The following SPON2 variants were observed in gnomAD, a reference collection of about 807,000 sequenced individuals.
SPON2 encodes spondin-2.
A neutral mutation model predicts 29.9 loss-of-function variants in SPON2; 32 were observed. The ratio of observed to expected loss-of-function variants is 1.07; its 90% CI spans 0.81 to 1.44. The LOEUF is 1.44. SPON2 is among the 40% of genes most tolerant of loss of function. SPON2 has a pLI of 0.00. For missense variants in SPON2, 541 were observed against 455.5 expected (o/e 1.19, Z -1.71); for synonymous variants, 248 against 209.1 (o/e 1.19, Z -1.61).
intron 1 of SPON2, among the ~76,000 whole-genome samples, chr4:1,184,462 G>GA (rs1011270863): frequency 6.6e-6 from 1 of 151,880 alleles, no homozygotes; most frequent in South Asian, 2.1e-4. Context: ...GAGAGCAGCA[G>GA]AAAAAACCAC....
chr4:1,173,420 C>T (rs1351578327), upstream of SPON2, among the ~76,000 whole-genome samples: 1 of 152,176 alleles, frequency 6.6e-6, no homozygotes, highest in East Asian at 1.9e-4. Flanking sequence ...GGACCCCGCA[C>T]AGGGCTGGGG....
intron 2 of SPON2, 78 bp from the exon 3 acceptor site, chr4:1,171,564 A>G: frequency 7.0e-7 from 1 of 1,420,518 alleles, no homozygotes; most frequent in Non-Finnish European, 9.7e-7. Flanking sequence ...GCGCCCCAGG[A>G]AATCCCTCCC....
Position 1,171,453 on chromosome 4 carries a change from C to T in SPON2, c.254G>A (p.Arg85Lys), listed in dbSNP as rs761027198. The T allele has an allele frequency of 1.2e-4, 200 of 1,612,046 alleles. No individual in the cohort carries two copies. The highest frequency in any genetic ancestry group is 3.8e-4 in the Admixed American group (23 of 60,004). The change falls in exon 3 of 6, where the codon AGG becomes AAG. Residue 85 changes from arginine (R) to lysine (K), a missense_variant. Transcript: ENST00000290902. ...CCCGTTACTGACGTACTGGTTCTTC[C>T]TCCACATGCTGTAGTCGGAGCTATG... ...AAHSSDYSMW[R>K]KNQYVSNGLR...
At position 1,195,119 on chromosome 4, in the gene SPON2, G is replaced by GCAGCCGGCGGCTCCAACCCCA. The variant is rs1560210876; in HGVS notation, c.-369_-368insTGGGGTTGGAGCCGCCGGCTG. 1.7e-4 allele frequency: 23 copies of GCAGCCGGCGGCTCCAACCCCA among 138,438 alleles called. 1 individual carries two copies. The highest frequency in any genetic ancestry group is 6.5e-4 in the African/African-American group (22 of 33,652). 8.6% of individuals were successfully genotyped at this position (138,438 alleles called of 1,614,324 possible). A position where few individuals can be genotyped will look rare whatever the true frequency, so the allele number is the denominator to read the frequency against. ...CCCCGCAGCCGGCGGCTCCAACCCC[G>GCAGCCGGCGGCTCCAACCCCA]CAGCCGGCGGCTCAGGGCTCAGGAC... On this transcript the variant is annotated 5_prime_UTR_variant, in exon 1 of 4. Transcript: ENST00000502483.
At chr4:1,177,628 C>G (rs759255672), upstream of SPON2, among the ~76,000 whole-genome samples, 9 of 152,170 alleles carry the variant, frequency 5.9e-5, no homozygotes, top group Admixed American at 1.3e-4. Context: ...ACCCAAGATC[C>G]CTTCAGGGGG....
At chr4:1,172,199 G>T in intron 1 of SPON2, 125 bp from the exon 2 acceptor site, 1 of 762,634 alleles carries the variant, frequency 1.3e-6, no homozygotes, top group Non-Finnish European at 2.1e-6. Flanking sequence ...CCCCCTCCCT[G>T]CTCCGCAAAG....
At chr4:1,200,694 AC>A (rs892559088) in intron 1 of SPON2, 3 of 407,608 alleles carry the variant, frequency 7.4e-6, no homozygotes, top group African/African-American at 2.0e-5. Flanking sequence ...GACCCTCACA[AC>A]TCTCCCATCT....
chr4:1,177,239 C>T (rs1342742095), upstream of SPON2, among the ~76,000 whole-genome samples: 3 of 152,228 alleles, frequency 2.0e-5, no homozygotes, highest in Non-Finnish European at 2.9e-5. Context: ...TGCCCTGCCA[C>T]GGCCCCAGCA....
At chr4:1,174,265 T>C (rs1191854474), upstream of SPON2, among the ~76,000 whole-genome samples, 1 of 151,292 alleles carries the variant, frequency 6.6e-6, no homozygotes, top group Non-Finnish European at 1.5e-5. Flanking sequence ...GGCGGGCGGA[T>C]CACTTGAGGT....
At chr4:1,176,461 A>C (rs1727596741), upstream of SPON2, among the ~76,000 whole-genome samples, 1 of 151,676 alleles carries the variant, frequency 6.6e-6, no homozygotes, top group Non-Finnish European at 1.5e-5. Context: ...TCACTCACAC[A>C]GTACATTCAT....
intron 1 of SPON2, among the ~76,000 whole-genome samples, chr4:1,188,072 G>A (rs982150949): frequency 6.6e-6 from 1 of 151,236 alleles, no homozygotes; most frequent in African/African-American, 2.4e-5. Context: ...TTAGCCAGGC[G>A]TGGTGGCGGG....
intron 1 of SPON2, chr4:1,200,684 G>A (rs1344554282): frequency 5.1e-6 from 2 of 394,252 alleles, no homozygotes; most frequent in Non-Finnish European, 5.2e-6. Flanking sequence ...AGGTGTGGAC[G>A]ACCCTCACAA....
At chr4:1,168,188 G>A (rs972620218) in intron 5 of SPON2, 8 of 152,834 alleles carry the variant, frequency 5.2e-5, no homozygotes, top group African/African-American at 1.9e-4. Flanking sequence ...TGGTGTTATG[G>A]TTAAGTCACT....
chr4:1,181,613 T>C (rs1727702295), intron 1 of SPON2, among the ~76,000 whole-genome samples: 1 of 152,196 alleles, frequency 6.6e-6, no homozygotes, highest in Non-Finnish European at 1.5e-5. Context: ...GGATTGCAGC[T>C]TCCAGGAGTA....
At chr4:1,183,233 A>G (rs1727731221) in intron 1 of SPON2, among the ~76,000 whole-genome samples, 1 of 98,618 alleles carries the variant, frequency 1.0e-5, no homozygotes, top group Non-Finnish European at 2.1e-5. Flanking sequence ...CAAGAGTGAA[A>G]CTCCATCAAA....
At chr4:1,198,982 G>A (rs889587164), upstream of SPON2, 17 of 151,950 alleles carry the variant, frequency 1.1e-4, no homozygotes, top group African/African-American at 4.1e-4. Context: ...GCATTTTCTC[G>A]GAGGTTCTGG....
Position 1,171,006 on chromosome 4 carries a change from A to G in SPON2, c.629T>C (p.Val210Ala). Reference protein sequence around the residue: ...PNFATIPQDTVTEITSSSPSH... With the variant: ...PNFATIPQDTATEITSSSPSH... Reference sequence around the variant, plus strand: ...CGCGGGGTGCCCACTCACCTCGGTCACCGTGTCCTGCGGGATGGTGGCGAA... The same window carrying G: ...CGCGGGGTGCCCACTCACCTCGGTCGCCGTGTCCTGCGGGATGGTGGCGAA... The change falls in exon 4 of 6, where the codon GTG becomes GCG. Residue 210 changes from valine to alanine, a missense_variant. By Grantham distance (64) the Val-to-Ala change is moderately conservative. Transcript: ENST00000290902. 1 of 1,548,354 alleles carries G rather than the reference A, an allele frequency of 6.5e-7. No individual in the cohort carries two copies. Among genetic ancestry groups the G allele is most frequent in the Non-Finnish European group, 8.7e-7 (1 of 1,145,498 alleles).
intron 1 of SPON2, among the ~76,000 whole-genome samples, chr4:1,191,306 C>A (rs561417754): frequency 6.6e-6 from 1 of 152,154 alleles, no homozygotes; most frequent in East Asian, 1.9e-4. Flanking sequence ...AAAATAAACC[C>A]CTACTTTTAT....
chr4:1,167,695 G>A (rs1727291664), intron 5 of SPON2, 39 bp from the exon 6 acceptor site: 1 of 1,539,816 alleles, frequency 6.5e-7, no homozygotes, highest in East Asian at 2.3e-5. Context: ...GAACGCTCGC[G>A]TGAAGAGGCG....
Sources: gnomAD v4.1 joint callset for allele counts (sites outside exome capture counted in the v4.1 genomes callset) on GRCh38, gnomAD v4.1.1 for gene constraint, MANE v1.5 for transcripts, NCBI Gene and HGNC (gene_info 2026-07-23, HGNC 2026-07-21) for gene names.